Variants in VPS13B observed in about 807,000 individuals in gnomAD.
VPS13B encodes the protein intermembrane lipid transfer protein VPS13B.
VPS13B carries 285 observed loss-of-function variants against 426.4 expected under a neutral mutation model. That is an observed-to-expected ratio of 0.67 (90% CI 0.61 to 0.74). The LOEUF is 0.74. VPS13B is among the 30% of genes least tolerant of loss of function. VPS13B has a pLI of 0.00. For missense variants in VPS13B, 4,537 were observed against 4,782.6 expected, an observed-to-expected ratio of 0.95 and a Z score of 1.51; for synonymous variants, 1,676 against 1,676.4, an observed-to-expected ratio of 1.00 and a Z score of 0.01.
In VPS13B at chr8:99,836,255, A is replaced by C. The variant is rs539127343; in HGVS notation, c.9942+517A>C. ...TACTAATTTTGTTGAAAATGGCATAAGAACTTAGCATTTCCTTTCTTCTGG... is the reference window on the plus strand; with the variant it reads ...TACTAATTTTGTTGAAAATGGCATACGAACTTAGCATTTCCTTTCTTCTGG... On this transcript the variant is annotated intron_variant, in intron 54 of 61. Coordinates refer to ENST00000357162, the MANE Select transcript of VPS13B (RefSeq NM_152564.5). Among the ~76,000 whole-genome samples the C allele has an allele frequency of 2.0e-5, 3 of 152,306 alleles. No homozygotes were observed. The East Asian group carries it at 5.8e-4, about 29-fold the overall frequency.
At chr8:99,815,348 T>C (rs969637610) in intron 44 of VPS13B, among the ~76,000 whole-genome samples, 3 of 152,194 alleles carry the variant, frequency 2.0e-5, no homozygotes, top group African/African-American at 7.2e-5. Context: ...GAAGAGCTGA[T>C]GCTTCATTCC....
At chr8:99,633,076 T>C (rs1828913750) in intron 33 of VPS13B, among the ~76,000 whole-genome samples, 1 of 152,060 alleles carries the variant, frequency 6.6e-6, no homozygotes, top group African/African-American at 2.4e-5. Context: ...CTTTCTCAAC[T>C]TGTACTGAAT....
chr8:99,639,894 CACCACTG>C (rs1385919368), intron 33 of VPS13B, among the ~76,000 whole-genome samples: 2 of 148,338 alleles, frequency 1.3e-5, no homozygotes, highest in African/African-American at 4.9e-5. Flanking sequence ...TTCCTTGAGC[CACCACTG>C]AGGGGTTGTA....
At chr8:99,076,234 T>C (rs1314176199) in intron 3 of VPS13B, among the ~76,000 whole-genome samples, 1 of 152,228 alleles carries the variant, frequency 6.6e-6, no homozygotes, top group Non-Finnish European at 1.5e-5. Flanking sequence ...TGACATGATT[T>C]TGATTTTTAA....
chr8:99,091,170 ATGGTTGAGTCATC>A (rs1163954609), intron 3 of VPS13B, among the ~76,000 whole-genome samples: 1 of 152,164 alleles, frequency 6.6e-6, no homozygotes, highest in South Asian at 2.1e-4. Flanking sequence ...GAGATGGCTA[ATGGTTGAGTCATC>A]TGGGAAAATG....
intron 17 of VPS13B, among the ~76,000 whole-genome samples, chr8:99,220,516 T>G (rs1815649533): frequency 6.6e-6 from 1 of 152,186 alleles, no homozygotes; most frequent in African/African-American, 2.4e-5. Context: ...GTTAAACATA[T>G]GAAGTGATTT....
At chr8:99,687,774 G>A (rs1831480062) in intron 35 of VPS13B, among the ~76,000 whole-genome samples, 1 of 152,066 alleles carries the variant, frequency 6.6e-6, no homozygotes, top group Admixed American at 6.5e-5. Flanking sequence ...CTCTTTCAGT[G>A]ATACAAAGTT....
At chr8:99,166,741 G>A (rs920275188) in intron 15 of VPS13B, among the ~76,000 whole-genome samples, 5 of 151,930 alleles carry the variant, frequency 3.3e-5, no homozygotes, top group Admixed American at 1.3e-4. Flanking sequence ...ACTCTCAAGG[G>A]ACCCCAAATA....
At chr8:99,685,282 G>A (rs566189916) in intron 35 of VPS13B, among the ~76,000 whole-genome samples, 6 of 152,270 alleles carry the variant, frequency 3.9e-5, no homozygotes, top group African/African-American at 9.6e-5. Flanking sequence ...AACAAATTAC[G>A]ACAAATGTAG....
rs181033384 is a variant in VPS13B at position 99,463,417 on chromosome 8, C to T, written c.3446-3997C>T. Among the ~76,000 whole-genome samples the T allele has an allele frequency of 2.3e-3, 348 of 152,226 alleles. 1 individual carries two copies. Among genetic ancestry groups the T allele is most frequent in the African/African-American group, 7.8e-3 (326 of 41,548 alleles). ...TTTTCACAAATTTGAAATCAATTATCTCTTAATACTATTATCATTATTATT... is the reference window on the plus strand; with the variant it reads ...TTTTCACAAATTTGAAATCAATTATTTCTTAATACTATTATCATTATTATT... On this transcript the variant is annotated intron_variant, in intron 23 of 61. Coordinates refer to ENST00000357162, the MANE Select transcript of VPS13B (RefSeq NM_152564.5).
chr8:99,384,722 G>A (rs186916173), intron 20 of VPS13B, among the ~76,000 whole-genome samples: 32 of 152,266 alleles, frequency 2.1e-4, no homozygotes, highest in Admixed American at 1.2e-3. Flanking sequence ...GTGCAGTGGC[G>A]TGATCTCGGC....
At chr8:99,579,202 C>G (rs16897473) in intron 33 of VPS13B, among the ~76,000 whole-genome samples, 2 of 151,944 alleles carry the variant, frequency 1.3e-5, no homozygotes, top group Non-Finnish European at 2.9e-5. Flanking sequence ...TAAAACTTTC[C>G]GTATTTTAGA....
intron 27 of VPS13B, among the ~76,000 whole-genome samples, chr8:99,504,143 CA>C (rs1469101982): frequency 1.3e-5 from 2 of 152,196 alleles, no homozygotes; most frequent in Non-Finnish European, 2.9e-5. Flanking sequence ...TTAGTTCATG[CA>C]AGAGCTGGTT....
chr8:99,283,712 A>G (rs1001399330), intron 19 of VPS13B, among the ~76,000 whole-genome samples: 1 of 152,224 alleles, frequency 6.6e-6, no homozygotes, highest in Non-Finnish European at 1.5e-5. Context: ...TCAAAATGTT[A>G]CATTTAATCA....
chr8:99,500,581 G>C (rs917334960), intron 25 of VPS13B, among the ~76,000 whole-genome samples: 10 of 152,078 alleles, frequency 6.6e-5, no homozygotes, highest in Non-Finnish European at 1.3e-4. Flanking sequence ...CGTTAACCCA[G>C]TACACCATAC....
At chr8:99,460,613 G>C (rs955953743) in intron 23 of VPS13B, among the ~76,000 whole-genome samples, 6 of 152,154 alleles carry the variant, frequency 3.9e-5, no homozygotes, top group Non-Finnish European at 5.9e-5. Flanking sequence ...AGGTATTTCT[G>C]GTAAGGAAGG....
chr8:99,583,809 G>C (rs1318391879), intron 33 of VPS13B, among the ~76,000 whole-genome samples: 2 of 152,080 alleles, frequency 1.3e-5, no homozygotes, highest in Non-Finnish European at 2.9e-5. Flanking sequence ...GGTAAAGGGG[G>C]GTTTGAGAGA....
intron 24 of VPS13B, 71 bp from the exon 25 acceptor site, chr8:99,481,528 A>G (rs1050852555): frequency 4.1e-6 from 6 of 1,471,554 alleles, no homozygotes; most frequent in African/African-American, 2.8e-5. Context: ...ATTTTCTCAT[A>G]TTATTATTTT....
chr8:99,135,843 A>G, intron 11 of VPS13B, 110 bp downstream of exon 11: 1 of 1,427,774 alleles, frequency 7.0e-7, no homozygotes, highest in Non-Finnish European at 9.7e-7. Context: ...CTGAATGCTA[A>G]TTGTTTATTA....
Sources: gnomAD v4.1 joint callset for allele counts (sites outside exome capture counted in the v4.1 genomes callset) on GRCh38, gnomAD v4.1.1 for gene constraint, MANE v1.5 for transcripts, NCBI Gene and HGNC (gene_info 2026-07-23, HGNC 2026-07-21) for gene names.